TRPM6: variants seen among roughly 807,000 people sequenced by gnomAD.
The protein encoded by TRPM6 is transient receptor potential cation channel subfamily M member 6.
Under a neutral mutation model 247.6 loss-of-function variants are expected in TRPM6, and 111 were observed. That is an observed-to-expected ratio of 0.45 (90% CI 0.38 to 0.52). The LOEUF is 0.52. TRPM6 is among the 20% of genes least tolerant of loss of function. The probability of loss-of-function intolerance (pLI) is 0.00; values close to 1 mark genes in which losing one functional copy is unlikely to be tolerated. For synonymous variants in TRPM6, 892 were observed against 853.8 expected, an observed-to-expected ratio of 1.04 and a Z score of -0.78; for missense variants, 2,126 against 2,421.5, an observed-to-expected ratio of 0.88 and a Z score of 2.56.
chr9:74,827,415 A>ACT, intron 7 of TRPM6, among the ~76,000 whole-genome samples: 1 of 152,158 alleles, frequency 6.6e-6, no homozygotes, highest in Non-Finnish European at 1.5e-5. Context: ...GCAGGGGCCA[A>ACT]CTTCGGCCTC....
intron 24 of TRPM6, 70 bp from the exon 25 acceptor site, chr9:74,771,905 C>G (rs1827058852): frequency 2.8e-6 from 4 of 1,438,308 alleles, no homozygotes; most frequent in Non-Finnish European, 1.9e-6. Context: ...TTTTCTTCCA[C>G]TTGTATTGAA....
In TRPM6 at chr9:74,727,601, C is replaced by T. The variant is rs140109076; in HGVS notation, c.5935+638G>A. Among the ~76,000 whole-genome samples the T allele has an allele frequency of 7.7e-3, 1,168 of 152,198 alleles. 10 individuals carry two copies. The highest frequency in any genetic ancestry group is 0.025 in the South Asian group (118 of 4,816). On this transcript the variant is annotated intron_variant, in intron 38 of 38. Coordinates refer to ENST00000360774, the MANE Select transcript of TRPM6 (RefSeq NM_017662.5). ...AAAGTAGTGGGCAAGCTGAGGCACA[C>T]ATGATGCTTCCCTTCTGGGACAAAA...
intron 18 of TRPM6, among the ~76,000 whole-genome samples, chr9:74,793,287 T>G (rs1156930119): frequency 2.0e-5 from 3 of 152,200 alleles, no homozygotes; most frequent in East Asian, 3.8e-4. Context: ...ACAAGCTGAC[T>G]CTGTAGTAAT....
chr9:74,807,397 C>G (rs1253958981), intron 14 of TRPM6, among the ~76,000 whole-genome samples: 1 of 152,174 alleles, frequency 6.6e-6, no homozygotes, highest in Non-Finnish European at 1.5e-5. Context: ...TAATCCTCCC[C>G]TCATCTTCTA....
intron 36 of TRPM6, among the ~76,000 whole-genome samples, chr9:74,736,394 A>C (rs1825694361): frequency 6.6e-6 from 1 of 152,190 alleles, no homozygotes. Context: ...AAGACTAGAA[A>C]TACAAATAAA....
chr9:74,837,405 C>T (rs950584050), intron 5 of TRPM6, among the ~76,000 whole-genome samples: 3 of 152,062 alleles, frequency 2.0e-5, no homozygotes, highest in African/African-American at 4.8e-5. Context: ...CATAGAGGAG[C>T]TGTGGTTGAA....
At position 74,816,623 on chromosome 9, in the gene TRPM6, C is replaced by A. The variant is rs762786242; in HGVS notation, c.1308+46G>T. The A allele has an allele frequency of 3.3e-6, 5 of 1,502,506 alleles. No individual in the cohort carries two copies. In the East Asian group the frequency reaches 1.1e-4, roughly 34 times the overall value. 93.1% of individuals were successfully genotyped at this position (1,502,506 alleles called of 1,614,324 possible). A position where few individuals can be genotyped will look rare whatever the true frequency, so the allele number is the denominator to read the frequency against. ...TTCTCTTTTGCCCCTTCCTAACAGA[C>A]CATCACACAAAATATTTTTTCCGAA... On this transcript the variant is annotated intron_variant, in intron 11 of 38. Coordinates refer to ENST00000360774, the MANE Select transcript of TRPM6 (RefSeq NM_017662.5).
At chr9:74,886,095 G>T (rs774413539) in intron 1 of TRPM6, among the ~76,000 whole-genome samples, 8 of 152,102 alleles carry the variant, frequency 5.3e-5, no homozygotes, top group Non-Finnish European at 8.8e-5. Flanking sequence ...GCAACATATT[G>T]CACGATTCTT....
At chr9:74,745,446 AGTGTGTGTGTGTGTGCGTGT>A (rs1563993998) in intron 31 of TRPM6, among the ~76,000 whole-genome samples, 6 of 150,478 alleles carry the variant, frequency 4.0e-5, no homozygotes, top group Non-Finnish European at 5.9e-5. Context: ...CATATAGTAT[AGTGTGTGTGTGTGTGCGTGT>A]GTGTGTGTGT....
chr9:74,794,826 C>T (rs910136085), intron 18 of TRPM6, among the ~76,000 whole-genome samples: 3 of 151,902 alleles, frequency 2.0e-5, no homozygotes, highest in Non-Finnish European at 4.4e-5. Flanking sequence ...AAACATGTGA[C>T]TTGAATAACT....
At chr9:74,756,971 C>A (rs758153511) in intron 27 of TRPM6, among the ~76,000 whole-genome samples, 1 of 151,262 alleles carries the variant, frequency 6.6e-6, no homozygotes, top group Non-Finnish European at 1.5e-5. Context: ...GTGAGGTGGG[C>A]AGATCACCTG....
rs190563423 is a variant in TRPM6, at chr9:74,856,282, T to A, written c.114-717A>T. ...AATGAGACCTTGACTCTTATAAAAA[T>A]TCAAAAAATTAGCCCTGTGTGCTGA... On this transcript the variant is annotated intron_variant, in intron 2 of 38. Coordinates refer to ENST00000360774, the MANE Select transcript of TRPM6 (RefSeq NM_017662.5). Among the ~76,000 whole-genome samples the A allele has an allele frequency of 2.4e-3, 367 of 152,012 alleles. 1 individual carries two copies. Among genetic ancestry groups the A allele is most frequent in the African/African-American group, 8.6e-3 (357 of 41,476 alleles).
At chr9:74,739,086 A>G (rs942139200) in intron 35 of TRPM6, among the ~76,000 whole-genome samples, 1 of 152,242 alleles carries the variant, frequency 6.6e-6, no homozygotes, top group Non-Finnish European at 1.5e-5. Flanking sequence ...CCTGGACATT[A>G]ATAACACCCA....
intron 1 of TRPM6, among the ~76,000 whole-genome samples, chr9:74,880,936 C>A (rs953205031): frequency 6.6e-6 from 1 of 151,950 alleles, no homozygotes; most frequent in Non-Finnish European, 1.5e-5. Context: ...CAATAATAAC[C>A]GTGAAACTAA....
chr9:74,786,633 G>A (rs191435436), intron 20 of TRPM6, among the ~76,000 whole-genome samples: 7 of 152,212 alleles, frequency 4.6e-5, no homozygotes, highest in Middle Eastern at 3.4e-3. Context: ...CCAGCTACTC[G>A]GGAGTCTGAG....
chr9:74,853,265 G>A lies in TRPM6; in HGVS notation c.152+2262C>T, dbSNP rs565764271. ...AGCCCCTCCGCCCGGCAGCCGCCCC[G>A]TCAGGGAAGTGAGGAGCGTCTCCGC... On this transcript the variant is annotated intron_variant, in intron 3 of 38. Coordinates refer to ENST00000360774, the MANE Select transcript of TRPM6 (RefSeq NM_017662.5). Among the ~76,000 whole-genome samples, 13 of 151,208 alleles carry A rather than the reference G, an allele frequency of 8.6e-5. 1 individual carries two copies. In the East Asian group the frequency reaches 1.6e-3, roughly 18 times the overall value.
intron 36 of TRPM6, among the ~76,000 whole-genome samples, chr9:74,737,081 T>A (rs1352240281): frequency 1.3e-5 from 2 of 152,190 alleles, no homozygotes. Flanking sequence ...CAAAAATAGA[T>A]GCCTTGGGCA....
At chr9:74,871,794 C>A (rs1202184278) in intron 1 of TRPM6, among the ~76,000 whole-genome samples, 1 of 151,920 alleles carries the variant, frequency 6.6e-6, no homozygotes, top group Non-Finnish European at 1.5e-5. Context: ...GTCCTCCCAC[C>A]CTCACCTCCC....
rs1232568941 is a variant in TRPM6, at chr9:74,728,456, A to G, written c.5829-111T>C. The G allele has an allele frequency of 6.4e-6, 5 of 784,060 alleles. No homozygotes were observed. The Middle Eastern group carries it at 1.3e-3, about 211-fold the overall frequency. The allele number at this position is 784,060 out of a possible 1,614,324, so 48.6% of individuals were successfully genotyped here. On this transcript the variant is annotated intron_variant, in intron 37 of 38. Coordinates refer to ENST00000360774, the MANE Select transcript of TRPM6 (RefSeq NM_017662.5). ...CATAGTAACCCAGTAAACTTGAAGG[A>G]GCCAACAAAAAACAGAGCACTTTGG...
Sources: allele counts gnomAD v4.1 joint callset (sites outside exome capture counted in the v4.1 genomes callset), GRCh38; gene constraint gnomAD v4.1.1; transcripts MANE v1.5; gene names NCBI Gene and HGNC (gene_info 2026-07-23, HGNC 2026-07-21).